RPGRIP1L: variants seen among roughly 807,000 people sequenced by gnomAD.
The protein encoded by RPGRIP1L is RPGRIP1 like, also known as protein fantom.
RPGRIP1L carries 131 observed loss-of-function variants against 160.4 expected under a neutral mutation model. That is an observed-to-expected ratio of 0.82 (90% CI 0.71 to 0.94). The LOEUF (loss-of-function observed/expected upper bound fraction) is 0.94. RPGRIP1L is among the 40% of genes least tolerant of loss of function. RPGRIP1L has a pLI of 0.00. For synonymous variants in RPGRIP1L, 510 were observed against 515.8 expected, an observed-to-expected ratio of 0.99 and a Z score of 0.15; for missense variants, 1,522 against 1,535.8, an observed-to-expected ratio of 0.99 and a Z score of 0.15.
chr16:53,692,215 T>A lies in RPGRIP1L; in HGVS notation c.380A>T (p.Glu127Val). 1.2e-6 allele frequency: 2 copies of A among 1,614,184 alleles called. No homozygotes were observed. The highest frequency in any genetic ancestry group is 1.7e-6 in the Non-Finnish European group (2 of 1,180,042). The part of the protein sequence containing the change: ...EKVHELEKQN[E>V]TLKNRLISAK... ...TGAAATCAGTCTGTTTTTGAGGGTT[T>A]CATTTTGTTTTTCAAGCTCATGAAC... The change falls in exon 4 of 27, where the codon GAA (glutamate) becomes GTA (valine). Residue 127 changes from glutamate (E) to valine (V), a missense_variant. Glu to Val is a moderately radical substitution (Grantham distance 121, BLOSUM62 -2). Coordinates refer to ENST00000647211, the MANE Select transcript of RPGRIP1L (RefSeq NM_015272.5).
In RPGRIP1L at chr16:53,691,982, A is replaced by G. The variant is rs577510297; in HGVS notation, c.529+84T>C. ...CTAAAGACACTTAAAAGCATGCGTA[A>G]TACAGAAGTAAAACTTTGTGTTTTT... is the stretch of plus-strand genomic sequence containing the variant. On this transcript the variant is annotated intron_variant, in intron 4 of 26. Coordinates refer to ENST00000647211, the MANE Select transcript of RPGRIP1L (RefSeq NM_015272.5). 13 of 1,292,656 alleles carry G rather than the reference A, an allele frequency of 1.0e-5. No individual in the cohort carries two copies. The African/African-American group carries it at 1.5e-4, about 14-fold the overall frequency. 80.1% of individuals were successfully genotyped at this position (1,292,656 alleles called of 1,614,324 possible).
intron 22 of RPGRIP1L, among the ~76,000 whole-genome samples, chr16:53,626,125 C>A: frequency 1.1e-5 from 1 of 90,942 alleles, no homozygotes; most frequent in South Asian, 3.2e-4. Context: ...GAGAAACAAC[C>A]AAGAATGATC....
At chr16:53,693,645 ACT>A (rs1005635656) in intron 3 of RPGRIP1L, 2 of 152,144 alleles carry the variant, frequency 1.3e-5, no homozygotes, top group African/African-American at 2.4e-5. Context: ...TACCACAAAC[ACT>A]CTAGTAAAAT....
chr16:53,678,943 C>T (rs1358213970), intron 6 of RPGRIP1L, among the ~76,000 whole-genome samples: 3 of 152,158 alleles, frequency 2.0e-5, no homozygotes, highest in Admixed American at 2.0e-4. Flanking sequence ...AAGGCTATCC[C>T]CTATGACTAG....
rs1391430738 is a variant in RPGRIP1L at position 53,641,427 on chromosome 16, T to C, written c.2732A>G (p.His911Arg). The C allele has an allele frequency of 1.2e-6, 2 of 1,613,906 alleles. No individual in the cohort carries two copies. The highest frequency in any genetic ancestry group is 1.3e-5 in the African/African-American group (1 of 74,910). The part of the protein sequence containing the change: ...DHQKHPAGTI[H>R]VILKWKFAYL... ...AGCAAATTTCCATTTCAATATAACA[T>C]GGATGGTGCCAGCAGGATGCTTTTG... Residue 911 changes from histidine (H) to arginine (R), a missense_variant, in exon 18 of 27, where the codon CAT (histidine) becomes CGT (arginine). His to Arg is a conservative substitution (Grantham distance 29). Transcript: ENST00000647211.
At chr16:53,624,476 G>A (rs1964943877) in intron 22 of RPGRIP1L, among the ~76,000 whole-genome samples, 1 of 151,984 alleles carries the variant, frequency 6.6e-6, no homozygotes, top group Non-Finnish European at 1.5e-5. Flanking sequence ...CCCGGCAGGT[G>A]GAGGTTGCAG....
intron 1 of RPGRIP1L, among the ~76,000 whole-genome samples, chr16:53,702,916 C>T (rs1971573673): frequency 6.6e-6 from 1 of 152,174 alleles, no homozygotes; most frequent in Non-Finnish European, 1.5e-5. Context: ...GGGTATTAGT[C>T]TTGTTCACAA....
intron 6 of RPGRIP1L, among the ~76,000 whole-genome samples, chr16:53,683,788 C>G (rs575047429): frequency 6.6e-6 from 1 of 150,546 alleles, no homozygotes; most frequent in Non-Finnish European, 1.5e-5. Flanking sequence ...AATGTCAAAG[C>G]AGAAAATGAA....
In RPGRIP1L at chr16:53,599,470, A is replaced by T. The variant is rs989130643; in HGVS notation, c.*2606T>A. 6.6e-6 allele frequency: 1 copy of T among 152,236 alleles called. No individual in the cohort carries two copies. Among genetic ancestry groups the T allele is most frequent in the Non-Finnish European group, 1.5e-5 (1 of 68,050 alleles). The allele number at this position is 152,236 out of a possible 1,614,324, so 9.4% of individuals were successfully genotyped here. A position where few individuals can be genotyped will look rare whatever the true frequency, so the allele number is the denominator to read the frequency against. ...TTTCTACTACAGTAGGCAAAAATAC[A>T]TGTAAAATACACTCTCCCACATACC... On this transcript the variant is annotated 3_prime_UTR_variant, in exon 27 of 27. Coordinates refer to ENST00000647211, the MANE Select transcript of RPGRIP1L (RefSeq NM_015272.5).
At position 53,641,420 on chromosome 16, in the gene RPGRIP1L, T is replaced by C; in HGVS notation, c.2739A>G (p.Ile913Met). 6.2e-7 allele frequency: 1 copy of C among 1,613,968 alleles called. No homozygotes were observed. The highest frequency in any genetic ancestry group is 8.5e-7 in the Non-Finnish European group (1 of 1,179,852). Residue 913 changes from isoleucine to methionine, a missense_variant, in exon 18 of 27, where the codon ATA becomes ATG. Transcript: ENST00000647211. ...GAAGGTAAGCAAATTTCCATTTCAA[T>C]ATAACATGGATGGTGCCAGCAGGAT... ...QKHPAGTIHVILKWKFAYLPP... is the reference protein window; with the variant it reads ...QKHPAGTIHVMLKWKFAYLPP...
Position 53,626,213 on chromosome 16 carries a change from A to G in RPGRIP1L, c.3295-3857T>C, listed in dbSNP as rs79213364. 8.0e-4 allele frequency among the ~76,000 whole-genome samples: 122 copies of G among 151,984 alleles called. 1 individual carries two copies. Among genetic ancestry groups the G allele is most frequent in the African/African-American group, 2.9e-3 (119 of 41,434 alleles). ...AATCAGGTGAATTGGAAGATGTCCT[A>G]AATAATATACTGATTCAAATGACAG... On this transcript the variant is annotated intron_variant, in intron 22 of 26. Transcript: ENST00000647211.
chr16:53,674,337 T>C (rs1598378260), intron 7 of RPGRIP1L, among the ~76,000 whole-genome samples: 2 of 152,166 alleles, frequency 1.3e-5, no homozygotes, highest in African/African-American at 4.8e-5. Context: ...TGGAATGTCT[T>C]GGAGTTCATT....
chr16:53,649,613 T>C (rs1966810043), intron 15 of RPGRIP1L, among the ~76,000 whole-genome samples: 1 of 152,212 alleles, frequency 6.6e-6, no homozygotes, highest in Non-Finnish European at 1.5e-5. Flanking sequence ...GAAAATGTCA[T>C]AGCTATGCCA....
chr16:53,698,122 C>T (rs1271547673), intron 2 of RPGRIP1L, among the ~76,000 whole-genome samples: 6 of 151,302 alleles, frequency 4.0e-5, no homozygotes, highest in Non-Finnish European at 7.4e-5. Flanking sequence ...GACCCTCCGC[C>T]CGGCAACCGC....
intron 14 of RPGRIP1L, 50 bp downstream of exon 14, chr16:53,656,422 A>G (rs988148042): frequency 7.8e-6 from 9 of 1,157,656 alleles, no homozygotes; most frequent in Admixed American, 1.7e-5. Flanking sequence ...CAACTGTTAT[A>G]AAATCCATTC....
chr16:53,679,232 TC>T (rs2096352399), intron 6 of RPGRIP1L, among the ~76,000 whole-genome samples: 1 of 152,150 alleles, frequency 6.6e-6, no homozygotes, highest in African/African-American at 2.4e-5. Context: ...GACAGTTTTG[TC>T]AGCTCTCTAC....
chr16:53,699,953 A>T (rs1971254392), intron 2 of RPGRIP1L, among the ~76,000 whole-genome samples: 1 of 152,232 alleles, frequency 6.6e-6, no homozygotes, highest in South Asian at 2.1e-4. Flanking sequence ...TAGATTCCTA[A>T]ATGGAATGTA....
Position 53,610,954 on chromosome 16 carries a change from T to C in RPGRIP1L, c.3701+13A>G. On this transcript the variant is annotated intron_variant, in intron 25 of 26. Coordinates refer to ENST00000647211, the MANE Select transcript of RPGRIP1L (RefSeq NM_015272.5). ...ATGTAAACCATTAGATTATTTGGAC[T>C]GCCAAAACATACCTTCTATTAGGCA... 6.4e-7 allele frequency: 1 copy of C among 1,574,798 alleles called. No individual in the cohort carries two copies. The highest frequency in any genetic ancestry group is 8.7e-7 in the Non-Finnish European group (1 of 1,144,188).
At chr16:53,629,187 G>T (rs1464382330) in intron 22 of RPGRIP1L, among the ~76,000 whole-genome samples, 1 of 152,094 alleles carries the variant, frequency 6.6e-6, no homozygotes, top group African/African-American at 2.4e-5. Context: ...ATCACCAGGG[G>T]AGCTATAAAC....
Sources: allele counts gnomAD v4.1 joint callset (sites outside exome capture counted in the v4.1 genomes callset), GRCh38; gene constraint gnomAD v4.1.1; transcripts MANE v1.5; gene names NCBI Gene and HGNC (gene_info 2026-07-23, HGNC 2026-07-21).